Variants in RIF1 observed in about 807,000 individuals in gnomAD.
The protein encoded by RIF1 is telomere-associated protein RIF1.
A neutral mutation model predicts 247.1 loss-of-function variants in RIF1; 45 were observed. The ratio of observed to expected loss-of-function variants is 0.18; its 90% confidence interval spans 0.14 to 0.23. RIF1 has a LOEUF of 0.23. RIF1 is among the 10% of genes least tolerant of loss of function. The pLI is 1.00. For missense variants in RIF1, 2,967 were observed against 2,862.5 expected, an observed-to-expected ratio of 1.04 and a Z score of -0.83; for synonymous variants, 1,087 against 978.8, an observed-to-expected ratio of 1.11 and a Z score of -2.06.
At chr2:151,492,674 T>A in intron 9 of RIF1, 1 of 413,330 alleles carries the variant, frequency 2.4e-6, no homozygotes, top group East Asian at 3.5e-5. Context: ...GGCCCGCCAG[T>A]GGAAGAGAAA....
At chr2:151,418,908 A>G (rs1377529290) in intron 6 of RIF1, among the ~76,000 whole-genome samples, 3 of 151,738 alleles carry the variant, frequency 2.0e-5, no homozygotes, top group Non-Finnish European at 2.9e-5. Context: ...TAAAACACAA[A>G]CATACAATTG....
the RIF1 span, chr2:151,514,572 C>T: frequency 4.3e-6 from 3 of 696,554 alleles, no homozygotes; most frequent in Non-Finnish European, 7.5e-6. Context: ...AGGGTATAAG[C>T]ATGATCAGTT....
rs554182078 is a variant in RIF1 at position 151,498,005 on chromosome 2, C to CTGTT, written c.*514-1339_*514-1336dup. The CTGTT allele has an allele frequency of 2.8e-4, 408 of 1,434,578 alleles. 1 individual carries two copies. The South Asian group carries it at 5.7e-3, about 20-fold the overall frequency. The allele number at this position is 1,434,578 out of a possible 1,614,324, so 88.9% of individuals were successfully genotyped here. ...TAAACAATCACATGAGGATTTGAGA[C>CTGTT]TGTTAGAACTCGGTGTTGTTATCCA... On this transcript the variant is annotated intron_variant and NMD_transcript_variant, in intron 10 of 13. Coordinates refer to the RIF1 transcript ENST00000454583.
At position 151,468,121 on chromosome 2, in the gene RIF1, A is replaced by C; in HGVS notation, c.6722A>C (p.Lys2241Thr). 3.7e-6 allele frequency: 6 copies of C among 1,613,152 alleles called. No individual in the cohort carries two copies. Among genetic ancestry groups the C allele is most frequent in the Non-Finnish European group, 5.1e-6 (6 of 1,179,344 alleles). ...AGTTCTCCCATAGGAAAAAGTGTTAAAACTTCTCCTACTACACAATCTAAG... is the reference window on the plus strand; with the variant it reads ...AGTTCTCCCATAGGAAAAAGTGTTACAACTTCTCCTACTACACAATCTAAG... ...SNSSPIGKSV[K>T]TSPTTQSKHN... The change falls in exon 31 of 36, where the codon AAA becomes ACA. Residue 2241 changes from lysine to threonine, a missense_variant. Transcript: ENST00000444746.
intron 8 of RIF1, among the ~76,000 whole-genome samples, chr2:151,426,737 C>T (rs1381457753): frequency 6.6e-6 from 1 of 151,770 alleles, no homozygotes; most frequent in Admixed American, 6.6e-5. Context: ...ACCTCAGCCT[C>T]CCGGGTTCAA....
intron 17 of RIF1, 24 bp from the exon 18 acceptor site, chr2:151,443,505 C>T (rs775676608): frequency 9.8e-6 from 15 of 1,527,662 alleles, no homozygotes; most frequent in Non-Finnish European, 1.3e-5. Flanking sequence ...AAAGTTGATG[C>T]ATTTTTTATA....
the RIF1 span, chr2:151,530,628 G>A: frequency 4.4e-5 from 8 of 180,446 alleles, no homozygotes; most frequent in East Asian, 1.4e-4. Flanking sequence ...TTTAAGCCAC[G>A]TGGAGACCCA....
intron 30 of RIF1, among the ~76,000 whole-genome samples, chr2:151,466,496 G>A (rs927365919): frequency 1.3e-5 from 2 of 151,844 alleles, no homozygotes; most frequent in African/African-American, 4.8e-5. Context: ...GTTGTGTGTT[G>A]GAACATTATG....
intron 21 of RIF1, 50 bp downstream of exon 21, chr2:151,451,755 A>G: frequency 1.0e-6 from 1 of 981,796 alleles, no homozygotes; most frequent in Non-Finnish European, 1.6e-6. Flanking sequence ...CATAAGCAGT[A>G]CTGAACTTTG....
At chr2:151,524,310 C>T in the RIF1 span, 1 of 1,613,078 alleles carries the variant, frequency 6.2e-7, no homozygotes, top group South Asian at 1.1e-5. Flanking sequence ...ATCTGCATTA[C>T]CTGGCTGCTC....
chr2:151,510,949 C>T (rs1471762508), downstream of RIF1, among the ~76,000 whole-genome samples: 2 of 152,226 alleles, frequency 1.3e-5, no homozygotes, highest in Admixed American at 1.3e-4. Context: ...GAAACACAAG[C>T]ACCATCTCAC....
the RIF1 span, among the ~76,000 whole-genome samples, chr2:151,515,615 C>T: frequency 6.6e-6 from 1 of 152,204 alleles, no homozygotes; most frequent in Non-Finnish European, 1.5e-5. Context: ...ATCTCCTCTC[C>T]AGTCTCCAGA....
intron 1 of RIF1, 90 bp downstream of exon 1, chr2:151,410,123 C>T: frequency 1.5e-6 from 1 of 686,460 alleles, no homozygotes. Context: ...TGCCTCGTTC[C>T]CCGGGCTTCT....
Position 151,461,261 on chromosome 2 carries a change from C to G in RIF1, c.3199C>G (p.His1067Asp). 1.2e-6 allele frequency: 2 copies of G among 1,612,728 alleles called. No homozygotes were observed. Among genetic ancestry groups the G allele is most frequent in the Non-Finnish European group, 8.5e-7 (1 of 1,179,670 alleles). Residue 1067 changes from histidine (H) to aspartate (D), a missense_variant, in exon 27 of 36, where the codon CAT (histidine) becomes GAT (aspartate). This residue lies in a region of RIF1 where 2,028 missense variants were observed against 1,825.6 expected (regional missense o/e 1.11). Transcript: ENST00000444746. ...TGCAAAGGAAAGAATATTAACTGAT[C>G]ATCAAAAAGAAGTTCTCAAAACAAA... Reference protein sequence around the residue: ...KDAKERILTDHQKEVLKTKRC... With the variant: ...KDAKERILTDDQKEVLKTKRC...
At chr2:151,439,332 GCT>G (rs1282874060) in intron 14 of RIF1, among the ~76,000 whole-genome samples, 1 of 152,056 alleles carries the variant, frequency 6.6e-6, no homozygotes, top group Non-Finnish European at 1.5e-5. Flanking sequence ...AATTTTTACA[GCT>G]CTCTGTATAG....
intron 11 of RIF1, chr2:151,501,318 G>T (rs1575220729): frequency 2.0e-6 from 2 of 994,526 alleles, no homozygotes; most frequent in East Asian, 2.6e-5. Context: ...ATAAAGGGAT[G>T]AACAGTGAGA....
chr2:151,442,471 A>C (rs1692505055), intron 16 of RIF1, among the ~76,000 whole-genome samples: 1 of 151,708 alleles, frequency 6.6e-6, no homozygotes, highest in Non-Finnish European at 1.5e-5. Flanking sequence ...AATTAAAGGA[A>C]AAACTGATAG....
chr2:151,529,755 G>A, the RIF1 span, among the ~76,000 whole-genome samples: 1 of 152,036 alleles, frequency 6.6e-6, no homozygotes, highest in Admixed American at 6.6e-5. Context: ...TCTCGAACTC[G>A]TGACCTCAGG....
chr2:151,514,896 A>T, the RIF1 span: 13 of 1,582,090 alleles, frequency 8.2e-6, no homozygotes, highest in Non-Finnish European at 1.0e-5. Context: ...TTCTGCCTTT[A>T]ATGGACTCTT....
Sources: gnomAD v4.1 joint callset for allele counts (sites outside exome capture counted in the v4.1 genomes callset) on GRCh38, gnomAD v4.1.1 for gene constraint, gnomAD v4.1.1 regional missense constraint, MANE v1.5 for transcripts, NCBI Gene and HGNC (gene_info 2026-07-23, HGNC 2026-07-21) for gene names.